The following TENM3 variants were observed in gnomAD, a reference collection of about 807,000 sequenced individuals.
The protein encoded by TENM3 is teneurin transmembrane protein 3, also known as teneurin-3.
A neutral mutation model predicts 255.1 loss-of-function variants in TENM3; 63 were observed. The observed-to-expected ratio is 0.25, with a 90% CI of 0.20 to 0.30. The LOEUF (loss-of-function observed/expected upper bound fraction) is 0.30. Ranked by LOEUF, TENM3 falls within the 10% of genes least tolerant of loss-of-function variation. The pLI is 1.00. For synonymous variants in TENM3, 1,306 were observed against 1,322.3 expected (o/e 0.99, Z 0.27); for missense variants, 2,929 against 3,461.1 (o/e 0.85, Z 3.86).
At chr4:182,174,950 T>TGTTTA (rs1561167692) in intron 1 of TENM3, among the ~76,000 whole-genome samples, 1 of 151,272 alleles carries the variant, frequency 6.6e-6, no homozygotes, top group African/African-American at 2.4e-5. Context: ...TCAACTGAAA[T>TGTTTA]ATTTGTTACA....
At chr4:181,836,549 C>T in the TENM3 span, among the ~76,000 whole-genome samples, 1 of 151,988 alleles carries the variant, frequency 6.6e-6, no homozygotes, top group Non-Finnish European at 1.5e-5. Flanking sequence ...TCATCCTTTC[C>T]TCATTGATTT....
At chr4:182,259,049 C>A (rs1758616706) in intron 1 of TENM3, among the ~76,000 whole-genome samples, 1 of 152,082 alleles carries the variant, frequency 6.6e-6, no homozygotes, top group Non-Finnish European at 1.5e-5. Flanking sequence ...GTCTATAAAG[C>A]CAGTTATGTT....
At chr4:181,907,485 T>G in the TENM3 span, among the ~76,000 whole-genome samples, 1 of 152,172 alleles carries the variant, frequency 6.6e-6, no homozygotes, top group Non-Finnish European at 1.5e-5. Context: ...AAGGCTTGTC[T>G]GCAGGCCAGG....
At chr4:182,010,857 G>C in the TENM3 span, among the ~76,000 whole-genome samples, 1 of 152,196 alleles carries the variant, frequency 6.6e-6, no homozygotes, top group South Asian at 2.1e-4. Context: ...CAAGGAACAA[G>C]TTTAGAGTTC....
chr4:182,748,868 CA>C (rs1277848707), intron 19 of TENM3, among the ~76,000 whole-genome samples: 1 of 152,162 alleles, frequency 6.6e-6, no homozygotes, highest in African/African-American at 2.4e-5. Flanking sequence ...TTTCATTTAT[CA>C]GACATTTTTA....
chr4:181,641,491 C>T, the TENM3 span, among the ~76,000 whole-genome samples: 22 of 138,282 alleles, frequency 1.6e-4, no homozygotes, highest in Middle Eastern at 4.1e-3. Flanking sequence ...GCTTTATCCA[C>T]GTCCCTGCAA....
At chr4:182,685,593 C>G (rs1182542483) in intron 11 of TENM3, among the ~76,000 whole-genome samples, 1 of 152,048 alleles carries the variant, frequency 6.6e-6, no homozygotes, top group African/African-American at 2.4e-5. Flanking sequence ...TTTACCTACA[C>G]TAAAAAACCC....
intron 13 of TENM3, among the ~76,000 whole-genome samples, chr4:182,717,594 C>T (rs550414331): frequency 1.3e-5 from 2 of 152,278 alleles, no homozygotes; most frequent in South Asian, 4.1e-4. Flanking sequence ...TTGACAAAGG[C>T]AAGCAATGGA....
At chr4:182,326,160 T>C (rs995898289) in intron 2 of TENM3, among the ~76,000 whole-genome samples, 6 of 152,022 alleles carry the variant, frequency 3.9e-5, no homozygotes, top group African/African-American at 1.2e-4. Context: ...GCTCGCGCAG[T>C]GTGTGATGGT....
At chr4:181,743,017 T>C in the TENM3 span, among the ~76,000 whole-genome samples, 7 of 152,016 alleles carry the variant, frequency 4.6e-5, no homozygotes, top group Non-Finnish European at 1.0e-4. Context: ...CATCATTTTT[T>C]ATGGCTGCAT....
the TENM3 span, among the ~76,000 whole-genome samples, chr4:181,626,588 C>G: frequency 2.6e-4 from 40 of 152,040 alleles, no homozygotes; most frequent in South Asian, 3.1e-3. Flanking sequence ...AGATGCCACG[C>G]TCTTTTAAAC....
At chr4:182,530,383 C>A (rs1698448390) in intron 3 of TENM3, among the ~76,000 whole-genome samples, 2 of 152,230 alleles carry the variant, frequency 1.3e-5, no homozygotes, top group African/African-American at 4.8e-5. Flanking sequence ...TTGCCCTGTT[C>A]CAGAAACTAC....
chr4:181,480,623 G>A, the TENM3 span, among the ~76,000 whole-genome samples: 1 of 151,502 alleles, frequency 6.6e-6, no homozygotes, highest in Non-Finnish European at 1.5e-5. Context: ...CCCACTTTTT[G>A]GTATATGTTT....
intron 4 of TENM3, among the ~76,000 whole-genome samples, chr4:182,620,145 G>A (rs971803340): frequency 1.3e-5 from 2 of 152,186 alleles, no homozygotes; most frequent in Non-Finnish European, 2.9e-5. Context: ...CACAGGATGG[G>A]AAGAGACTAA....
the TENM3 span, among the ~76,000 whole-genome samples, chr4:181,470,361 C>T: frequency 7.1e-3 from 1,079 of 152,078 alleles, 8 homozygotes; most frequent in Middle Eastern, 0.031. Flanking sequence ...ATACACAAAA[C>T]GTATGTATAA....
chr4:181,693,964 T>C, the TENM3 span, among the ~76,000 whole-genome samples: 2 of 152,240 alleles, frequency 1.3e-5, no homozygotes, highest in East Asian at 3.9e-4. Context: ...GAACACAAAA[T>C]CTGTAGTCAG....
the TENM3 span, among the ~76,000 whole-genome samples, chr4:181,570,300 C>T: frequency 3.3e-5 from 5 of 152,072 alleles, no homozygotes; most frequent in Non-Finnish European, 5.9e-5. Context: ...CCGCCTCGGC[C>T]TCCCAAAGTG....
At chr4:182,621,655 TATATAATATGTATTATATATATAAA>T (rs1312883787) in intron 4 of TENM3, among the ~76,000 whole-genome samples, 13 of 61,756 alleles carry the variant, frequency 2.1e-4, no homozygotes, top group African/African-American at 7.0e-4. Context: ...CATATTATAA[TATATAATATGTATTATATATATAAA>T]ATATATAATA....
intron 1 of TENM3, among the ~76,000 whole-genome samples, chr4:182,180,069 A>G (rs973883014): frequency 6.6e-6 from 1 of 152,064 alleles, no homozygotes; most frequent in Admixed American, 6.6e-5. Context: ...AATAGTTGGA[A>G]TTGCACATGC....
Sources: gnomAD v4.1 joint callset for allele counts (sites outside exome capture counted in the v4.1 genomes callset) on GRCh38, gnomAD v4.1.1 for gene constraint, MANE v1.5 for transcripts, NCBI Gene and HGNC (gene_info 2026-07-23, HGNC 2026-07-21) for gene names.